Variants in GLI2 observed in about 807,000 individuals in gnomAD.
The protein encoded by GLI2 is GLI family zinc finger 2, also known as transcription activator GLI2.
Under a neutral mutation model 78.9 loss-of-function variants are expected in GLI2, and 22 were observed. The ratio of observed to expected loss-of-function variants is 0.28; its 90% CI spans 0.20 to 0.40. The LOEUF (loss-of-function observed/expected upper bound fraction) is 0.40, where lower values mean the gene tolerates loss of function less well. Ranked by LOEUF, GLI2 falls within the 10% of genes least tolerant of loss-of-function variation. The pLI is 1.00. For synonymous variants in GLI2, 974 were observed against 963.7 expected, an observed-to-expected ratio of 1.01 and a Z score of -0.20; for missense variants, 2,097 against 2,213.2, an observed-to-expected ratio of 0.95 and a Z score of 1.05.
intron 4 of GLI2, among the ~76,000 whole-genome samples, chr2:120,952,443 G>A (rs951928661): frequency 6.6e-5 from 10 of 152,314 alleles, no homozygotes; most frequent in African/African-American, 1.9e-4. Flanking sequence ...GTGTGACCAC[G>A]AGTTGAAGCG....
At position 120,878,927 on chromosome 2, in the gene GLI2, TA is replaced by T. The variant is rs545715991; in HGVS notation, c.149-48419del. ...TGGGTGACAGAGCGAGACTCCATCT[TA>T]AAAAAAAAAAAAAATCTTTCTTCTG... On this transcript the variant is annotated intron_variant, in intron 2 of 13. Coordinates refer to ENST00000361492, the MANE Select transcript of GLI2 (RefSeq NM_001374353.1). Among the ~76,000 whole-genome samples, 970 of 141,522 alleles carry T rather than the reference TA, an allele frequency of 6.9e-3. 2 individuals carry two copies. Among genetic ancestry groups the T allele is most frequent in the African/African-American group, 0.012 (474 of 38,664 alleles). The allele number at this position is 141,522 out of a possible 152,430, so 92.8% of individuals were successfully genotyped here. A position where few individuals can be genotyped will look rare whatever the true frequency, so the allele number is the denominator to read the frequency against.
At chr2:120,933,583 A>C (rs746415728) in intron 3 of GLI2, among the ~76,000 whole-genome samples, 14 of 152,186 alleles carry the variant, frequency 9.2e-5, no homozygotes, top group Non-Finnish European at 1.5e-4. Context: ...AGCTCTTTGG[A>C]TGCCCTCTGG....
At chr2:120,812,878 A>G (rs1685320886) in intron 2 of GLI2, among the ~76,000 whole-genome samples, 1 of 151,944 alleles carries the variant, frequency 6.6e-6, no homozygotes, top group African/African-American at 2.4e-5. Context: ...CACATGGGGG[A>G]TGCTTCACAG....
At chr2:120,922,110 G>C (rs1178787165) in intron 2 of GLI2, among the ~76,000 whole-genome samples, 1 of 152,134 alleles carries the variant, frequency 6.6e-6, no homozygotes, top group Admixed American at 6.5e-5. Context: ...CCATGGTGTG[G>C]GCTGCCTTGT....
intron 2 of GLI2, among the ~76,000 whole-genome samples, chr2:120,872,712 G>GCTGTAACCTCAGTGTCTCTT (rs1688529230): frequency 6.6e-6 from 1 of 152,196 alleles, no homozygotes; most frequent in African/African-American, 2.4e-5. Flanking sequence ...GCTCAACTTT[G>GCTGTAACCTCAGTGTCTCTT]CTGTAACCTC....
At chr2:120,887,482 C>T (rs1027191214) in intron 2 of GLI2, among the ~76,000 whole-genome samples, 14 of 152,252 alleles carry the variant, frequency 9.2e-5, no homozygotes, top group South Asian at 2.1e-4. Flanking sequence ...CCACTCCCCG[C>T]GCTGGCGAAG....
intron 2 of GLI2, among the ~76,000 whole-genome samples, chr2:120,811,592 G>A (rs1283851421): frequency 6.6e-6 from 1 of 152,164 alleles, no homozygotes; most frequent in Non-Finnish European, 1.5e-5. Flanking sequence ...TGCTGGAGAG[G>A]AGGCTTCATA....
intron 2 of GLI2, among the ~76,000 whole-genome samples, chr2:120,885,626 A>G (rs1677358663): frequency 6.6e-6 from 1 of 152,214 alleles, no homozygotes; most frequent in South Asian, 2.1e-4. Context: ...ACTCGGACAC[A>G]CAGGGCCCTT....
intron 2 of GLI2, among the ~76,000 whole-genome samples, chr2:120,840,869 T>C (rs969223090): frequency 1.3e-5 from 2 of 152,134 alleles, no homozygotes; most frequent in African/African-American, 4.8e-5. Context: ...CACTGCATGG[T>C]CGCTAAAAAG....
intron 3 of GLI2, among the ~76,000 whole-genome samples, chr2:120,948,959 A>G (rs1680851298): frequency 6.6e-6 from 1 of 152,016 alleles, no homozygotes; most frequent in South Asian, 2.1e-4. Flanking sequence ...GACACCCTGC[A>G]TTTTGCTGAG....
At chr2:120,770,761 C>T (rs796400314) in intron 1 of GLI2, among the ~76,000 whole-genome samples, 2 of 152,302 alleles carry the variant, frequency 1.3e-5, no homozygotes, top group African/African-American at 4.8e-5. Flanking sequence ...GGAAAGTGCT[C>T]AGCAGCGGGC....
chr2:120,874,122 G>A (rs1173531032), intron 2 of GLI2, among the ~76,000 whole-genome samples: 2 of 152,244 alleles, frequency 1.3e-5, no homozygotes, highest in East Asian at 3.9e-4. Context: ...TGGCCAGAGT[G>A]ACGGTGTTCA....
chr2:120,849,871 C>T (rs1264015393), intron 2 of GLI2, among the ~76,000 whole-genome samples: 2 of 152,142 alleles, frequency 1.3e-5, no homozygotes, highest in African/African-American at 2.4e-5. Flanking sequence ...GAAAGCATTG[C>T]ATCCATAAAA....
intron 2 of GLI2, among the ~76,000 whole-genome samples, chr2:120,809,710 C>G (rs1685144200): frequency 6.6e-6 from 1 of 152,148 alleles, no homozygotes. Flanking sequence ...CCCTGCTTCC[C>G]CTGGCCAATG....
In GLI2 at chr2:120,833,347, C is replaced by T. The variant is rs576570448; in HGVS notation, c.148+35879C>T. ...TTCCCCCTGCAGAGGGCAGTCTGCT[C>T]CCTCCCTGAGCTAGGTGAGGGTCTG... On this transcript the variant is annotated intron_variant, in intron 2 of 13. Coordinates refer to ENST00000361492, the MANE Select transcript of GLI2 (RefSeq NM_001374353.1). 3.3e-5 allele frequency among the ~76,000 whole-genome samples: 5 copies of T among 152,166 alleles called. No homozygotes were observed. The East Asian group carries it at 9.7e-4, about 30-fold the overall frequency.
intron 1 of GLI2, among the ~76,000 whole-genome samples, chr2:120,764,121 C>G (rs761498180): frequency 6.2e-4 from 95 of 152,374 alleles, no homozygotes; most frequent in Non-Finnish European, 9.4e-4. Flanking sequence ...CCTGGACATG[C>G]CTGCTGACTC....
intron 2 of GLI2, among the ~76,000 whole-genome samples, chr2:120,878,535 AG>A (rs1365575513): frequency 2.6e-5 from 4 of 152,270 alleles, no homozygotes; most frequent in Non-Finnish European, 2.9e-5. Flanking sequence ...CAATATTAAA[AG>A]GAAAAAAAGG....
At chr2:120,750,154 G>A (rs900925282) in intron 1 of GLI2, among the ~76,000 whole-genome samples, 3 of 152,210 alleles carry the variant, frequency 2.0e-5, no homozygotes, top group African/African-American at 7.2e-5. Context: ...TGTCCCTGTC[G>A]TGAGCCTCAG....
Position 120,927,621 on chromosome 2 carries a change from G to T in GLI2, c.254+155G>T, listed in dbSNP as rs13419700. 9.4e-3 allele frequency among the ~76,000 whole-genome samples: 1,433 copies of T among 152,266 alleles called. 17 individuals carry two copies. The highest frequency in any genetic ancestry group is 0.032 in the African/African-American group (1,338 of 41,526). ...GCGGGCGATCACCTTTGCTATCATG[G>T]CCTGGGACCCTGTGTGAGCATGTGC... On this transcript the variant is annotated intron_variant, in intron 3 of 13. Transcript: ENST00000361492.
Sources: gnomAD v4.1 joint callset for allele counts (sites outside exome capture counted in the v4.1 genomes callset) on GRCh38, gnomAD v4.1.1 for gene constraint, MANE v1.5 for transcripts, NCBI Gene and HGNC (gene_info 2026-07-23, HGNC 2026-07-21) for gene names.